Variants in MACROD1 observed in about 807,000 individuals in gnomAD.
MACROD1 encodes the protein mono-ADP ribosylhydrolase 1.
A neutral mutation model predicts 41.4 loss-of-function variants in MACROD1; 31 were observed. The ratio of observed to expected loss-of-function variants is 0.75; its 90% CI spans 0.56 to 1.01. The LOEUF (loss-of-function observed/expected upper bound fraction) is 1.01, where lower values mean the gene tolerates loss of function less well. MACROD1 is among the 50% of genes least tolerant of loss of function. The probability of loss-of-function intolerance (pLI) is 0.00; values close to 1 mark genes in which losing one functional copy is unlikely to be tolerated. For synonymous variants in MACROD1, 252 were observed against 203.4 expected (o/e 1.24, Z -2.03); for missense variants, 473 against 460.0 (o/e 1.03, Z -0.26).
intron 4 of MACROD1, among the ~76,000 whole-genome samples, chr11:64,004,897 A>G (rs1268214879): frequency 6.6e-6 from 1 of 152,032 alleles, no homozygotes; most frequent in African/African-American, 2.4e-5. Flanking sequence ...GAAAAGAAAA[A>G]AGAGTGGTGG....
At chr11:64,019,433 TGC>T (rs1943124679) in intron 3 of MACROD1, among the ~76,000 whole-genome samples, 2 of 152,096 alleles carry the variant, frequency 1.3e-5, no homozygotes, top group South Asian at 4.1e-4. Flanking sequence ...CCCCAGCACT[TGC>T]TGTCCCTGAG....
At chr11:64,154,650 C>T (rs745715896) in intron 1 of MACROD1, among the ~76,000 whole-genome samples, 1 of 152,230 alleles carries the variant, frequency 6.6e-6, no homozygotes, top group Non-Finnish European at 1.5e-5. Flanking sequence ...AGCCAGGCTG[C>T]TTCCTGCCCC....
chr11:64,114,548 CATGGATGG>C (rs139254051), intron 3 of MACROD1, among the ~76,000 whole-genome samples: 75,836 of 135,770 alleles, frequency 0.56, 22,889 homozygotes, highest in Non-Finnish European at 0.69. Flanking sequence ...TGGATTGATG[CATGGATGG>C]ATGGATGGAT....
intron 3 of MACROD1, among the ~76,000 whole-genome samples, chr11:64,079,899 G>A (rs1232722428): frequency 6.6e-6 from 1 of 152,264 alleles, no homozygotes; most frequent in African/African-American, 2.4e-5. Flanking sequence ...GTCTTCAGTC[G>A]TAAATGAGGG....
chr11:64,120,711 G>T lies in MACROD1; in HGVS notation c.517+30528C>A, dbSNP rs1485295584. On this transcript the variant is annotated intron_variant, in intron 3 of 10. Transcript: ENST00000255681. The surrounding 1 kb of genome is among the most constrained non-coding windows in gnomAD (Gnocchi z 4.5). ...AAAAAAAAAAGTAGGCCCTCCCAGTGGACCATGGCCCCCCAGCCCCGAGAT... is the reference window on the plus strand; with the variant it reads ...AAAAAAAAAAGTAGGCCCTCCCAGTTGACCATGGCCCCCCAGCCCCGAGAT... 7.2e-5 allele frequency among the ~76,000 whole-genome samples: 11 copies of T among 152,080 alleles called. No individual in the cohort carries two copies. Among genetic ancestry groups the T allele is most frequent in the African/African-American group, 2.4e-4 (10 of 41,508 alleles).
intron 3 of MACROD1, among the ~76,000 whole-genome samples, chr11:64,021,076 C>T (rs1346236588): frequency 1.3e-5 from 2 of 152,178 alleles, no homozygotes; most frequent in Admixed American, 1.3e-4. Flanking sequence ...CATGGTTCTT[C>T]CCCGGCTCTC....
At chr11:64,070,322 G>A (rs993516098) in intron 3 of MACROD1, among the ~76,000 whole-genome samples, 1 of 152,102 alleles carries the variant, frequency 6.6e-6, no homozygotes, top group Admixed American at 6.5e-5. Flanking sequence ...TGTTCCCTGG[G>A]GGCCTCGGAG....
intron 3 of MACROD1, among the ~76,000 whole-genome samples, chr11:64,143,198 GAAGAAAGGA>G (rs1366700755): frequency 1.3e-5 from 2 of 151,842 alleles, no homozygotes; most frequent in East Asian, 1.9e-4. Context: ...AGAAAGGAAG[GAAGAAAGGA>G]AAGAAAGGAA....
chr11:64,052,459 G>C (rs1181073332), intron 3 of MACROD1, among the ~76,000 whole-genome samples: 1 of 152,144 alleles, frequency 6.6e-6, no homozygotes, highest in Non-Finnish European at 1.5e-5. Flanking sequence ...GGACTACAGG[G>C]GCAGGCCTGG....
rs1944033371 is a variant in MACROD1 at position 64,067,808 on chromosome 11, C to T, written c.518-52527G>A. ...TTCCCTGACTGAGGGGCGGCTGTGCCACCCCCACACTCCTGAAATGGGTGA... is the reference window on the plus strand; with the variant it reads ...TTCCCTGACTGAGGGGCGGCTGTGCTACCCCCACACTCCTGAAATGGGTGA... On this transcript the variant is annotated intron_variant, in intron 3 of 10. Coordinates refer to ENST00000255681, the MANE Select transcript of MACROD1 (RefSeq NM_014067.4). This position sits in a 1 kb window ranked among gnomAD's most constrained non-coding sequence, Gnocchi z 4.6. 6.6e-6 allele frequency among the ~76,000 whole-genome samples: 1 copy of T among 152,120 alleles called. No homozygotes were observed.
chr11:64,059,861 G>A (rs1285911488), intron 3 of MACROD1, among the ~76,000 whole-genome samples: 2 of 152,148 alleles, frequency 1.3e-5, no homozygotes, highest in African/African-American at 2.4e-5. Flanking sequence ...GGTTGCTACT[G>A]ATCCAATAGG....
Position 63,998,844 on chromosome 11 carries a change from C to CGGTCA in MACROD1, c.*19_*23dup. The CGGTCA allele has an allele frequency of 6.3e-7, 1 of 1,582,010 alleles. No individual in the cohort carries two copies. ...GGGGCGAGGCCCTGCTTACCAGTCC[C>CGGTCA]GGTCAGGGTGGGCTGCGGGAGCCTC... On this transcript the variant is annotated 3_prime_UTR_variant, in exon 10 of 11. Coordinates refer to ENST00000255681, the MANE Select transcript of MACROD1 (RefSeq NM_014067.4).
At chr11:64,001,452 A>G (rs1454819066) in intron 4 of MACROD1, 1 of 702,332 alleles carries the variant, frequency 1.4e-6, no homozygotes. Flanking sequence ...TCCCCATTTT[A>G]CAGATGGACA....
intron 3 of MACROD1, among the ~76,000 whole-genome samples, chr11:64,114,629 G>A (rs151073640): frequency 4.2e-4 from 64 of 151,496 alleles, no homozygotes; most frequent in South Asian, 8.4e-4. Context: ...ATGGACAGGT[G>A]CATGCATGAA....
In MACROD1 at chr11:64,146,425, G is replaced by A. The variant is rs972661174; in HGVS notation, c.517+4814C>T. 3.9e-5 allele frequency among the ~76,000 whole-genome samples: 6 copies of A among 152,140 alleles called. No homozygotes were observed. The highest frequency in any genetic ancestry group is 2.1e-4 in the South Asian group (1 of 4,822). On this transcript the variant is annotated intron_variant, in intron 3 of 10. Transcript: ENST00000255681. This position sits in a 1 kb window ranked among gnomAD's most constrained non-coding sequence, Gnocchi z 4.7. ...CATGGCAGCCCAATTTCATTAAGAC[G>A]GATGCGCCATGCTCCTGTGGGCAGG...
intron 4 of MACROD1, among the ~76,000 whole-genome samples, chr11:64,010,709 A>ATG (rs1360185576): frequency 9.0e-5 from 8 of 89,138 alleles, no homozygotes; most frequent in African/African-American, 2.7e-4. Context: ...GTTGGCTGGC[A>ATG]TGTTGGTTGG....
At chr11:64,020,958 C>G (rs1317477815) in intron 3 of MACROD1, among the ~76,000 whole-genome samples, 2 of 152,056 alleles carry the variant, frequency 1.3e-5, no homozygotes, top group Admixed American at 1.3e-4. Context: ...CTCAGGTGAT[C>G]CACCCACCTC....
chr11:64,095,218 T>C (rs889633177), intron 3 of MACROD1, among the ~76,000 whole-genome samples: 3 of 152,172 alleles, frequency 2.0e-5, no homozygotes, highest in African/African-American at 4.8e-5. Flanking sequence ...TCTCTCTTTT[T>C]CCCCCATTCC....
chr11:64,073,416 C>A (rs751697522), intron 3 of MACROD1, among the ~76,000 whole-genome samples: 2 of 152,266 alleles, frequency 1.3e-5, no homozygotes, highest in Non-Finnish European at 2.9e-5. Context: ...CCACTTGCAA[C>A]TTCTGGCTTC....
Sources: gnomAD v4.1 joint callset for allele counts (sites outside exome capture counted in the v4.1 genomes callset) on GRCh38, gnomAD v4.1.1 for gene constraint, Gnocchi (gnomAD v3.1) non-coding constraint, MANE v1.5 for transcripts, NCBI Gene and HGNC (gene_info 2026-07-23, HGNC 2026-07-21) for gene names.